The following PEX5 variants were observed in gnomAD, a reference collection of about 807,000 sequenced individuals.
PEX5 encodes peroxisomal biogenesis factor 5.
Under a neutral mutation model 82.9 loss-of-function variants are expected in PEX5, and 52 were observed. The ratio of observed to expected loss-of-function variants is 0.63; its 90% CI spans 0.50 to 0.79. The LOEUF is 0.79. Ranked by LOEUF, PEX5 falls within the 30% of genes least tolerant of loss-of-function variation. The pLI, the probability that PEX5 is intolerant of heterozygous loss-of-function variation, is 0.00. For missense variants in PEX5, 719 were observed against 815.2 expected, an observed-to-expected ratio of 0.88 and a Z score of 1.44; for synonymous variants, 300 against 318.8, an observed-to-expected ratio of 0.94 and a Z score of 0.63.
intron 12 of PEX5, among the ~76,000 whole-genome samples, 186 bp from the exon 13 acceptor site, chr12:7,208,271 G>A (rs1345449364): frequency 6.6e-6 from 1 of 152,132 alleles, no homozygotes; most frequent in African/African-American, 2.4e-5. Flanking sequence ...TGCGGCTTTG[G>A]TTGGCTCCTT....
chr12:7,210,239 C>T lies in PEX5; in HGVS notation c.*16C>T. The T allele has an allele frequency of 1.9e-6, 3 of 1,611,040 alleles. No individual in the cohort carries two copies. The highest frequency in any genetic ancestry group is 1.1e-5 in the South Asian group (1 of 91,034). The stretch of plus-strand genomic sequence containing the variant: ...GCCCCAGTGACAGTGGGACGGGCTG[C>T]CCTGTGAGTGTCCACCTGGAGGGAT... On this transcript the variant is annotated 3_prime_UTR_variant, in exon 16 of 16. Transcript: ENST00000675855.
At chr12:7,190,276 G>C (rs1176660469) in intron 1 of PEX5, 86 bp from the exon 2 acceptor site, 1 of 1,590,950 alleles carries the variant, frequency 6.3e-7, no homozygotes, top group Non-Finnish European at 8.6e-7. Flanking sequence ...AGACGCCTGT[G>C]TGCCTTCCTC....
Position 7,208,586 on chromosome 12 carries a change from C to G in PEX5, c.1311C>G (p.Ala437=). Residue 437 remains alanine (A), a synonymous_variant, in exon 13 of 16, where the codon GCC becomes GCG. Coordinates refer to ENST00000675855, the MANE Select transcript of PEX5 (RefSeq NM_001351132.2). ...GGCTGCGGTACACACCAGCCTATGCCCATCTGGTGACACCTGCTGAAGAAG... is the reference window on the plus strand; with the variant it reads ...GGCTGCGGTACACACCAGCCTATGCGCATCTGGTGACACCTGCTGAAGAAG... ...RDWLRYTPAY[A]HLVTPAEEGA... 1 of 1,614,070 alleles carries G rather than the reference C, an allele frequency of 6.2e-7. No individual in the cohort carries two copies. Among genetic ancestry groups the G allele is most frequent in the South Asian group, 1.1e-5 (1 of 91,080 alleles).
At chr12:7,192,020 C>T (rs1941236298) in intron 5 of PEX5, among the ~76,000 whole-genome samples, 1 of 152,192 alleles carries the variant, frequency 6.6e-6, no homozygotes, top group Non-Finnish European at 1.5e-5. Context: ...AGAGAGTATT[C>T]ACTACAGCAC....
At chr12:7,196,457 TCATATATAATGTAATAATTACATC>T (rs1942290363) in intron 5 of PEX5, among the ~76,000 whole-genome samples, 1 of 136,914 alleles carries the variant, frequency 7.3e-6, no homozygotes, top group Non-Finnish European at 1.5e-5. Flanking sequence ...TAATTATGTG[TCATATATAATGTAATAATTACATC>T]ATATATAATG....
intron 10 of PEX5, among the ~76,000 whole-genome samples, chr12:7,206,464 G>C (rs1032385914): frequency 4.6e-5 from 7 of 152,218 alleles, no homozygotes; most frequent in Non-Finnish European, 8.8e-5. Flanking sequence ...AAAGTTTGCT[G>C]ATCACTGGAC....
intron 5 of PEX5, among the ~76,000 whole-genome samples, chr12:7,197,854 C>T (rs1287961824): frequency 6.6e-6 from 1 of 152,140 alleles, no homozygotes; most frequent in Non-Finnish European, 1.5e-5. Context: ...AGTAGGTTCT[C>T]AACAAGAGAG....
intron 10 of PEX5, among the ~76,000 whole-genome samples, chr12:7,206,442 C>T (rs1461825825): frequency 6.6e-6 from 1 of 152,176 alleles, no homozygotes; most frequent in Non-Finnish European, 1.5e-5. Flanking sequence ...TATTATCTGG[C>T]CCTTCGCAGA....
chr12:7,212,145 A>G (rs967058515), downstream of PEX5, among the ~76,000 whole-genome samples: 3 of 151,900 alleles, frequency 2.0e-5, no homozygotes, highest in African/African-American at 7.3e-5. Context: ...TTGTATTTTT[A>G]TTAGAGACAG....
At chr12:7,190,193 A>G in intron 1 of PEX5, 169 bp from the exon 2 acceptor site, 3 of 1,541,254 alleles carry the variant, frequency 1.9e-6, no homozygotes, top group Admixed American at 1.9e-5. Flanking sequence ...GAGAGTACCG[A>G]CCTCCCTCGA....
chr12:7,199,142 C>A, intron 6 of PEX5, 29 bp downstream of exon 6: 1 of 1,278,258 alleles, frequency 7.8e-7, no homozygotes, highest in Non-Finnish European at 1.1e-6. Flanking sequence ...TTCCGAATCC[C>A]GTGAAAGGAG....
intron 10 of PEX5, among the ~76,000 whole-genome samples, chr12:7,206,385 A>G (rs1194024843): frequency 6.6e-6 from 1 of 152,256 alleles, no homozygotes; most frequent in Non-Finnish European, 1.5e-5. Flanking sequence ...TCGCACTACA[A>G]CAGTAGAGGT....
chr12:7,209,281 A>G, intron 14 of PEX5, 111 bp downstream of exon 14: 1 of 1,103,800 alleles, frequency 9.1e-7, no homozygotes, highest in Non-Finnish European at 1.4e-6. Flanking sequence ...GCTACTTGGG[A>G]GGCTGAAGTG....
chr12:7,212,938 T>C (rs964801972), downstream of PEX5: 9 of 152,048 alleles, frequency 5.9e-5, no homozygotes, highest in African/African-American at 1.9e-4. Context: ...CCACACTACA[T>C]AGGTGCAGGA....
rs978182084 is a variant in PEX5, at chr12:7,201,599, T to A, written c.552-152T>A. 7.1e-6 allele frequency: 5 copies of A among 704,670 alleles called. No homozygotes were observed. In the African/African-American group the frequency reaches 8.8e-5, roughly 12 times the overall value. The allele number at this position is 704,670 out of a possible 1,614,324, so 43.7% of individuals were successfully genotyped here. A position where few individuals can be genotyped will look rare whatever the true frequency, so the allele number is the denominator to read the frequency against. ...GTACTTTCACACTCCTGCCCAAATG[T>A]CCTTCTATAATGCAAATTGGAGTTT... On this transcript the variant is annotated intron_variant, in intron 6 of 15. Transcript: ENST00000675855.
At position 7,209,115 on chromosome 12, in the gene PEX5, G is replaced by A; in HGVS notation, c.1505G>A (p.Gly502Glu). ...TTGGGAGTCCTTTTCAACCTGAGTGGGGAGTATGACAAGGCCGTGGACTGC... is the reference window on the plus strand; with the variant it reads ...TTGGGAGTCCTTTTCAACCTGAGTGAGGAGTATGACAAGGCCGTGGACTGC... Reference protein sequence around the residue: ...CGLGVLFNLSGEYDKAVDCFT... With the variant: ...CGLGVLFNLSEEYDKAVDCFT... Residue 502 changes from glycine to glutamate, a missense_variant, in exon 14 of 16, where the codon GGG becomes GAG. By Grantham distance (98) the Gly-to-Glu change is moderately conservative. Coordinates refer to ENST00000675855, the MANE Select transcript of PEX5 (RefSeq NM_001351132.2). 2 of 1,614,058 alleles carry A rather than the reference G, an allele frequency of 1.2e-6. No homozygotes were observed. The highest frequency in any genetic ancestry group is 1.3e-5 in the African/African-American group (1 of 74,986).
downstream of PEX5, among the ~76,000 whole-genome samples, chr12:7,211,861 G>A (rs1945597772): frequency 6.6e-6 from 1 of 151,900 alleles, no homozygotes; most frequent in Admixed American, 6.6e-5. Flanking sequence ...GCCATATCAA[G>A]ATGGGTATTT....
intron 10 of PEX5, among the ~76,000 whole-genome samples, chr12:7,205,905 G>A (rs953414305): frequency 8.5e-5 from 13 of 152,214 alleles, no homozygotes; most frequent in Non-Finnish European, 2.9e-5. Context: ...ATATCTTAAG[G>A]AAGTATCTAG....
At chr12:7,196,091 A>G (rs1942038998) in intron 5 of PEX5, among the ~76,000 whole-genome samples, 1 of 135,574 alleles carries the variant, frequency 7.4e-6, no homozygotes, top group Non-Finnish European at 1.6e-5. Context: ...TGTATTTCTT[A>G]TGTTATAACG....
Sources: gnomAD v4.1 joint callset for allele counts (sites outside exome capture counted in the v4.1 genomes callset) on GRCh38, gnomAD v4.1.1 for gene constraint, MANE v1.5 for transcripts, NCBI Gene and HGNC (gene_info 2026-07-23, HGNC 2026-07-21) for gene names.